Variants in ART3 observed in about 807,000 individuals in gnomAD.
ART3 encodes the protein ecto-ADP-ribosyltransferase 3.
A neutral mutation model predicts 48.5 loss-of-function variants in ART3; 49 were observed. The observed-to-expected ratio is 1.01, with a 90% confidence interval of 0.80 to 1.28. The LOEUF (loss-of-function observed/expected upper bound fraction) is 1.28. Ranked by LOEUF, ART3 falls within the 50% of genes most tolerant of loss-of-function variation. The probability of loss-of-function intolerance (pLI) is 0.00; values close to 1 mark genes in which losing one functional copy is unlikely to be tolerated. For missense variants in ART3, 438 were observed against 454.3 expected, an observed-to-expected ratio of 0.96 and a Z score of 0.33; for synonymous variants, 145 against 157.2, an observed-to-expected ratio of 0.92 and a Z score of 0.58.
At chr4:76,069,395 T>TTTTTG (rs1720087150) in intron 1 of ART3, among the ~76,000 whole-genome samples, 3 of 146,992 alleles carry the variant, frequency 2.0e-5, no homozygotes, top group African/African-American at 7.6e-5. Context: ...CCTTTTTTTT[T>TTTTTG]TTTTTTTTTT....
At chr4:76,101,898 C>T (rs1234617810) in intron 8 of ART3, among the ~76,000 whole-genome samples, 1 of 152,154 alleles carries the variant, frequency 6.6e-6, no homozygotes, top group Non-Finnish European at 1.5e-5. Context: ...TACCTTTTGA[C>T]TCGGTTATAA....
At chr4:76,106,454 G>A (rs10030683) in intron 10 of ART3, 453,609 of 785,120 alleles carry the variant, frequency 0.58, 133,694 homozygotes, top group East Asian at 0.98. Context: ...TTAGGTTAGA[G>A]GCCCACTTTT....
intron 1 of ART3, among the ~76,000 whole-genome samples, chr4:76,026,621 C>A (rs1437770926): frequency 6.6e-6 from 1 of 152,210 alleles, no homozygotes; most frequent in Non-Finnish European, 1.5e-5. Flanking sequence ...TCTCAGCTAG[C>A]TATAGGACAG....
chr4:76,033,061 A>C (rs1389765897), intron 1 of ART3, among the ~76,000 whole-genome samples: 1 of 152,074 alleles, frequency 6.6e-6, no homozygotes, highest in Non-Finnish European at 1.5e-5. Context: ...TTTATTTTTC[A>C]AATGTATGGG....
chr4:76,012,467 C>G (rs1731895019), intron 1 of ART3, among the ~76,000 whole-genome samples: 2 of 152,174 alleles, frequency 1.3e-5, no homozygotes, highest in Non-Finnish European at 2.9e-5. Flanking sequence ...GGAGTCATTC[C>G]TTCCTTCCTA....
At chr4:76,032,452 CTA>C (rs1225822178) in intron 1 of ART3, among the ~76,000 whole-genome samples, 1 of 152,000 alleles carries the variant, frequency 6.6e-6, no homozygotes, top group Non-Finnish European at 1.5e-5. Context: ...AGCCATTCAC[CTA>C]TGTTGGTCTC....
intron 1 of ART3, among the ~76,000 whole-genome samples, chr4:76,044,031 G>C (rs1735256009): frequency 6.6e-6 from 1 of 151,878 alleles, no homozygotes; most frequent in East Asian, 1.9e-4. Flanking sequence ...GGTAGAAGTT[G>C]TTAGTTGAAC....
intron 1 of ART3, among the ~76,000 whole-genome samples, chr4:76,052,757 C>T (rs1736253631): frequency 6.7e-6 from 1 of 149,052 alleles, no homozygotes; most frequent in African/African-American, 2.5e-5. Context: ...CTCTGTCATC[C>T]AGGCTGGAGT....
At chr4:76,106,493 G>T (rs2149707806) in intron 10 of ART3, 1 of 365,586 alleles carries the variant, frequency 2.7e-6, no homozygotes, top group East Asian at 1.6e-4. Context: ...TAAGGATTTA[G>T]GGTGGGAGAG....
intron 1 of ART3, among the ~76,000 whole-genome samples, chr4:76,038,625 T>C (rs899017518): frequency 2.6e-5 from 4 of 152,198 alleles, no homozygotes; most frequent in Non-Finnish European, 4.4e-5. Flanking sequence ...TTCTCAGCAT[T>C]AGAAACACAG....
At chr4:76,061,704 C>T (rs1241563501) in intron 1 of ART3, among the ~76,000 whole-genome samples, 1 of 152,146 alleles carries the variant, frequency 6.6e-6, no homozygotes. Flanking sequence ...TATTAAATGG[C>T]TTGCATTTTC....
intron 1 of ART3, among the ~76,000 whole-genome samples, chr4:76,047,355 G>A (rs1478954613): frequency 1.3e-5 from 2 of 151,888 alleles, no homozygotes; most frequent in Non-Finnish European, 2.9e-5. Context: ...GAGGTTGCCA[G>A]GTTTAATAAT....
rs566350019 is a variant in ART3, at chr4:76,111,130, G to C, written c.1037-1256G>C. On this transcript the variant is annotated intron_variant, in intron 11 of 11. Transcript: ENST00000355810. ...CTATTGCAGTGAGTTCAAATGTTTC[G>C]AGTATCCTCTTAAAACACCATGTGT... 8.5e-5 allele frequency among the ~76,000 whole-genome samples: 13 copies of C among 152,164 alleles called. No homozygotes were observed. The East Asian group carries it at 2.5e-3, about 29-fold the overall frequency.
chr4:76,024,008 G>A (rs1049889115), intron 1 of ART3, among the ~76,000 whole-genome samples: 3 of 152,168 alleles, frequency 2.0e-5, no homozygotes, highest in African/African-American at 7.2e-5. Flanking sequence ...CTTTGACAGG[G>A]TCAAAGATCT....
chr4:76,024,411 A>G (rs991114518), intron 1 of ART3, among the ~76,000 whole-genome samples: 3 of 152,166 alleles, frequency 2.0e-5, no homozygotes, highest in African/African-American at 7.2e-5. Flanking sequence ...GAAAAAGAAA[A>G]AAAAAGTGTT....
chr4:76,095,229 C>T (rs1367883204), intron 3 of ART3, among the ~76,000 whole-genome samples: 1 of 152,070 alleles, frequency 6.6e-6, no homozygotes, highest in Non-Finnish European at 1.5e-5. Context: ...ATTAAAGAGG[C>T]CAGTACAGTG....
At chr4:76,038,200 A>G (rs1004769217) in intron 1 of ART3, among the ~76,000 whole-genome samples, 1 of 152,246 alleles carries the variant, frequency 6.6e-6, no homozygotes, top group African/African-American at 2.4e-5. Flanking sequence ...GTACAATAAG[A>G]TATTTGAAGA....
chr4:76,024,262 C>A (rs1345611902), intron 1 of ART3, among the ~76,000 whole-genome samples: 1 of 151,830 alleles, frequency 6.6e-6, no homozygotes, highest in African/African-American at 2.4e-5. Flanking sequence ...TTGTAAAAAA[C>A]AAAGGGTGCT....
At chr4:76,028,537 T>C (rs1002200509) in intron 1 of ART3, among the ~76,000 whole-genome samples, 2 of 152,166 alleles carry the variant, frequency 1.3e-5, no homozygotes, top group African/African-American at 2.4e-5. Flanking sequence ...TCCCGGAAAC[T>C]GTTATGCTTA....
Sources: allele counts gnomAD v4.1 joint callset (sites outside exome capture counted in the v4.1 genomes callset), GRCh38; gene constraint gnomAD v4.1.1; transcripts MANE v1.5; gene names NCBI Gene and HGNC (gene_info 2026-07-23, HGNC 2026-07-21).